Variants in KIF4A observed in about 807,000 individuals in gnomAD.
KIF4A encodes chromosome-associated kinesin KIF4A.
Under a neutral mutation model 105.9 loss-of-function variants are expected in KIF4A, and 7 were observed. That is an observed-to-expected ratio of 0.07 (90% CI 0.04 to 0.12). KIF4A has a LOEUF of 0.12. Ranked by LOEUF, KIF4A falls within the 10% of genes least tolerant of loss-of-function variation. The probability of loss-of-function intolerance (pLI) is 1.00; values close to 1 mark genes in which losing one functional copy is unlikely to be tolerated. For synonymous variants in KIF4A, 281 were observed against 331.3 expected (o/e 0.85, Z 1.65); for missense variants, 558 against 929.2 (o/e 0.60, Z 5.19).
intron 20 of KIF4A, among the ~76,000 whole-genome samples, chrX:70,392,837 TATAATAATA>T (rs1230666849): frequency 9.6e-6 from 1 of 104,625 alleles, no homozygotes; most frequent in African/African-American, 3.4e-5. Flanking sequence ...ACTCTGATCT[TATAATAATA>T]ATAATAATAA....
chrX:70,386,349 T>A (rs764084226), intron 18 of KIF4A, among the ~76,000 whole-genome samples: 3 of 111,267 alleles, frequency 2.7e-5, no homozygotes. Context: ...GGCCTCACAT[T>A]CTAGGATATT....
At chrX:70,337,377 C>CA (rs2085954412) in intron 10 of KIF4A, among the ~76,000 whole-genome samples, 1 of 111,332 alleles carries the variant, frequency 9.0e-6, no homozygotes. Context: ...AACAAACAAA[C>CA]AAAAAAACAT....
rs181506761 is a variant in KIF4A at position 70,356,178 on chromosome X, G to A, written c.1674+2371G>A. ...GCCTGTAGTCCCAGCTACTTGGGAG[G>A]CTGAGGTGGGAGGATCACCTGAGCA... On this transcript the variant is annotated intron_variant, in intron 15 of 30. Transcript: ENST00000374403. Among the ~76,000 whole-genome samples, 194 of 110,614 alleles carry A rather than the reference G, an allele frequency of 1.8e-3. 1 individual carries two copies. Among genetic ancestry groups the A allele is most frequent in the Middle Eastern group, 4.6e-3 (1 of 216 alleles).
At chrX:70,339,534 C>T (rs1374383219) in intron 10 of KIF4A, among the ~76,000 whole-genome samples, 3 of 112,470 alleles carry the variant, frequency 2.7e-5, no homozygotes, top group African/African-American at 9.7e-5. Flanking sequence ...GTAATAGATT[C>T]TAAGAAACAG....
chrX:70,364,558 C>G (rs1232729999), intron 15 of KIF4A, among the ~76,000 whole-genome samples: 1 of 106,157 alleles, frequency 9.4e-6, no homozygotes, highest in Non-Finnish European at 1.9e-5. Flanking sequence ...TGTAGATATG[C>G]GGCATTATTT....
chrX:70,394,264 C>T (rs1384838392), intron 20 of KIF4A, among the ~76,000 whole-genome samples: 5 of 108,131 alleles, frequency 4.6e-5, no homozygotes, highest in Admixed American at 1.0e-4. Context: ...AGTGCAGTGG[C>T]GTGACCATAG....
chrX:70,376,788 T>C lies in KIF4A; in HGVS notation c.2034+578T>C, dbSNP rs192710578. 1.2e-3 allele frequency among the ~76,000 whole-genome samples: 139 copies of C among 112,305 alleles called. 1 individual carries two copies. Among genetic ancestry groups the C allele is most frequent in the African/African-American group, 4.3e-3 (134 of 30,983 alleles). ...TAAAGATCCAAGAAGTTTGAACTCA[T>C]TTTGTTAGTAGCATAAAGATTTTTA... On this transcript the variant is annotated intron_variant, in intron 18 of 30. Transcript: ENST00000374403.
At chrX:70,401,079 A>ATTTT (rs1271801890) in intron 22 of KIF4A, among the ~76,000 whole-genome samples, 1 of 74,069 alleles carries the variant, frequency 1.4e-5, no homozygotes, top group Non-Finnish European at 2.6e-5. Context: ...TAGGTTTATG[A>ATTTT]TTTTTTTTTT....
chrX:70,323,810 ATATTTATT>A (rs34799069), intron 7 of KIF4A, among the ~76,000 whole-genome samples: 329 of 94,610 alleles, frequency 3.5e-3, no homozygotes, highest in African/African-American at 7.1e-3. Context: ...CTGGCATTTA[ATATTTATT>A]TATTTATTTA....
intron 28 of KIF4A, 142 bp downstream of exon 28, chrX:70,407,217 C>T: frequency 6.3e-6 from 4 of 636,125 alleles, no homozygotes; most frequent in South Asian, 6.3e-5. Flanking sequence ...AAGTAATTCT[C>T]GTGTCTCAGC....
At chrX:70,381,194 A>T (rs1012630784) in intron 18 of KIF4A, among the ~76,000 whole-genome samples, 14 of 111,844 alleles carry the variant, frequency 1.3e-4, no homozygotes, top group Admixed American at 8.6e-4. Flanking sequence ...AAAGAAAATC[A>T]GTAGTATATT....
chrX:70,371,594 C>T (rs1368820905), intron 15 of KIF4A, among the ~76,000 whole-genome samples: 3 of 105,191 alleles, frequency 2.9e-5, no homozygotes, highest in Admixed American at 9.9e-5. Context: ...GGCAGCTGGC[C>T]GGGCGGGGGG....
rs2086290632 is a variant in KIF4A, at chrX:70,403,843, ATCT to A, written c.2620-16_2620-14del. On this transcript the variant is annotated intron_variant, in intron 23 of 30. Coordinates refer to ENST00000374403, the MANE Select transcript of KIF4A (RefSeq NM_012310.5). ...AGGTGGTCATTCTTCAAATAAACTG[ATCT>A]TCTTTTATTCCTTCCAGCTGGTCTC... 3.4e-6 allele frequency: 4 copies of A among 1,171,142 alleles called. No homozygotes were observed. The highest frequency in any genetic ancestry group is 3.4e-6 in the Non-Finnish European group (3 of 870,063).
At chrX:70,330,575 A>G (rs1193272396) in intron 9 of KIF4A, among the ~76,000 whole-genome samples, 6 of 111,835 alleles carry the variant, frequency 5.4e-5, no homozygotes, top group Admixed American at 9.5e-5. Flanking sequence ...AGGTGTAGAC[A>G]GGGGCTAAAT....
rs892574168 is a variant in KIF4A at position 70,341,893 on chromosome X, G to T, written c.1228G>T (p.Ala410Ser). Reference protein sequence around the residue: ...EKLSRGLSEAAGQTAQMLERI... With the variant: ...EKLSRGLSEASGQTAQMLERI... ...ATTAAGTCGTGGTCTGAGCGAGGCA[G>T]CTGGTCAGACAGCCCAGATGTTGGA... Residue 410 changes from alanine to serine, a missense_variant, in exon 11 of 31, where the codon GCT (alanine) becomes TCT (serine). Ala to Ser is a moderately conservative substitution (Grantham distance 99). Coordinates refer to ENST00000374403, the MANE Select transcript of KIF4A (RefSeq NM_012310.5). 1 of 1,211,110 alleles carries T rather than the reference G, an allele frequency of 8.3e-7. No individual in the cohort carries two copies. Among genetic ancestry groups the T allele is most frequent in the African/African-American group, 1.7e-5 (1 of 57,893 alleles).
intron 16 of KIF4A, 121 bp downstream of exon 16, chrX:70,374,375 G>T: frequency 2.3e-6 from 1 of 430,340 alleles, no homozygotes; most frequent in East Asian, 4.1e-5. Context: ...ATTATGAAGA[G>T]GAAACCTAAA....
At chrX:70,304,166 A>G (rs1485961935) in intron 7 of KIF4A, among the ~76,000 whole-genome samples, 3 of 92,293 alleles carry the variant, frequency 3.3e-5, no homozygotes, top group African/African-American at 1.2e-4. Context: ...TGCAATTCCC[A>G]CCTATGAGTG....
chrX:70,315,913 A>G (rs2085867669), intron 7 of KIF4A, among the ~76,000 whole-genome samples: 1 of 111,743 alleles, frequency 8.9e-6, no homozygotes, highest in African/African-American at 3.3e-5. Flanking sequence ...CCATGTTTCC[A>G]TCCTTGCACT....
chrX:70,374,514 AG>A (rs1238610440), intron 16 of KIF4A, among the ~76,000 whole-genome samples: 1 of 112,045 alleles, frequency 8.9e-6, no homozygotes, highest in Non-Finnish European at 1.9e-5. Context: ...AAGAGTTCAG[AG>A]GCGAGGAATA....
Sources: allele counts gnomAD v4.1 joint callset (sites outside exome capture counted in the v4.1 genomes callset), GRCh38; gene constraint gnomAD v4.1.1; transcripts MANE v1.5; gene names NCBI Gene and HGNC (gene_info 2026-07-23, HGNC 2026-07-21).